CCSER1: variants seen among roughly 807,000 people sequenced by gnomAD.
CCSER1 encodes coiled-coil serine rich protein 1, also known as serine-rich coiled-coil domain-containing protein 1.
CCSER1 carries 41 observed loss-of-function variants against 82.0 expected under a neutral mutation model. The observed-to-expected ratio is 0.50, with a 90% CI of 0.39 to 0.65. The LOEUF is 0.65. CCSER1 is among the 30% of genes least tolerant of loss of function. CCSER1 has a pLI of 0.00. For missense variants in CCSER1, 1,119 were observed against 1,064.2 expected, an observed-to-expected ratio of 1.05 and a Z score of -0.72; for synonymous variants, 414 against 383.9, an observed-to-expected ratio of 1.08 and a Z score of -0.92.
chr4:91,428,115 T>TA (rs1359130117), intron 10 of CCSER1, among the ~76,000 whole-genome samples: 2 of 152,050 alleles, frequency 1.3e-5, no homozygotes, highest in Admixed American at 6.6e-5. Flanking sequence ...TATCTTGTTA[T>TA]AAAAAATAGA....
intron 3 of CCSER1, among the ~76,000 whole-genome samples, chr4:90,334,727 G>T (rs1293730796): frequency 5.3e-5 from 8 of 152,034 alleles, no homozygotes; most frequent in African/African-American, 1.9e-4. Context: ...TAGGGAGAAT[G>T]GCAATAATGA....
chr4:91,142,671 G>A (rs1375059286), intron 10 of CCSER1, among the ~76,000 whole-genome samples: 1 of 151,988 alleles, frequency 6.6e-6, no homozygotes, highest in African/African-American at 2.4e-5. Context: ...TTGAAAAGTA[G>A]GAGTTTAGTT....
intron 10 of CCSER1, among the ~76,000 whole-genome samples, chr4:91,435,440 C>A (rs1459333798): frequency 3.8e-4 from 55 of 144,966 alleles, no homozygotes; most frequent in East Asian, 8.1e-4. Flanking sequence ...GACCCTGTCT[C>A]AAAAAAAAAA....
chr4:91,506,090 C>T (rs1169627622), intron 10 of CCSER1, among the ~76,000 whole-genome samples: 1 of 152,086 alleles, frequency 6.6e-6, no homozygotes, highest in Non-Finnish European at 1.5e-5. Context: ...GTCTTTAATT[C>T]ATCTTGAGTT....
At chr4:90,871,005 T>C (rs1475760857) in intron 8 of CCSER1, among the ~76,000 whole-genome samples, 10 of 151,456 alleles carry the variant, frequency 6.6e-5, no homozygotes, top group South Asian at 2.1e-4. Context: ...ATCTTTTGAA[T>C]TTCTCCACTA....
chr4:90,286,439 A>G (rs187140093), intron 1 of CCSER1, among the ~76,000 whole-genome samples: 20 of 152,184 alleles, frequency 1.3e-4, no homozygotes, highest in Non-Finnish European at 2.4e-4. Context: ...GTTCATTAAA[A>G]ATTTTATAGA....
intron 9 of CCSER1, among the ~76,000 whole-genome samples, chr4:90,939,197 G>C (rs1237861661): frequency 6.6e-6 from 1 of 152,010 alleles, no homozygotes; most frequent in African/African-American, 2.4e-5. Context: ...ATTATCTACA[G>C]TCTTTTTTCC....
At chr4:90,692,969 T>C (rs1736291668) in intron 6 of CCSER1, among the ~76,000 whole-genome samples, 1 of 151,950 alleles carries the variant, frequency 6.6e-6, no homozygotes. Flanking sequence ...GTCTCTTTAT[T>C]TGTGGAAAGA....
intron 10 of CCSER1, among the ~76,000 whole-genome samples, chr4:91,134,866 C>T (rs932079194): frequency 2.0e-5 from 3 of 152,080 alleles, no homozygotes; most frequent in Non-Finnish European, 4.4e-5. Flanking sequence ...TTGAGACCAT[C>T]CTGGCCAACA....
intron 10 of CCSER1, among the ~76,000 whole-genome samples, chr4:91,289,645 G>C (rs913432426): frequency 4.0e-5 from 6 of 151,870 alleles, no homozygotes; most frequent in Admixed American, 3.3e-4. Context: ...GAGGTCAATA[G>C]AAATTGCCCA....
intron 9 of CCSER1, among the ~76,000 whole-genome samples, chr4:91,011,626 GAACAGGGC>G (rs1239994599): frequency 2.2e-5 from 3 of 134,686 alleles, no homozygotes; most frequent in Non-Finnish European, 3.5e-5. Context: ...GAACCCTGAG[GAACAGGGC>G]AACAACTTTG....
At chr4:91,021,983 C>T (rs560535054) in intron 9 of CCSER1, among the ~76,000 whole-genome samples, 1 of 152,060 alleles carries the variant, frequency 6.6e-6, no homozygotes, top group Non-Finnish European at 1.5e-5. Flanking sequence ...TGAATATTCT[C>T]AAAATCAGTT....
chr4:90,198,544 C>T (rs772350780), intron 1 of CCSER1, among the ~76,000 whole-genome samples: 27 of 152,030 alleles, frequency 1.8e-4, no homozygotes, highest in Non-Finnish European at 3.4e-4. Flanking sequence ...CTTGATGTTG[C>T]AAATCAAGAC....
chr4:90,132,386 C>T (rs1680360299), intron 1 of CCSER1, among the ~76,000 whole-genome samples: 1 of 152,048 alleles, frequency 6.6e-6, no homozygotes, highest in Non-Finnish European at 1.5e-5. Context: ...TATTATCTTC[C>T]CTGTGCAAGA....
intron 9 of CCSER1, among the ~76,000 whole-genome samples, chr4:91,058,794 TA>T (rs1176498826): frequency 4.6e-5 from 7 of 152,112 alleles, no homozygotes; most frequent in African/African-American, 1.7e-4. Context: ...CTGAAATTTA[TA>T]AAGTTTAAGT....
intron 4 of CCSER1, 36 bp from the exon 5 acceptor site, chr4:90,468,198 T>C (rs1001295215): frequency 1.3e-6 from 2 of 1,563,340 alleles, no homozygotes; most frequent in South Asian, 2.5e-5. Context: ...TCATAAATAA[T>C]TTTGACATTT....
intron 10 of CCSER1, among the ~76,000 whole-genome samples, chr4:91,214,604 G>C (rs1397375508): frequency 6.6e-6 from 1 of 152,026 alleles, no homozygotes; most frequent in African/African-American, 2.4e-5. Flanking sequence ...TCTTGTTCAT[G>C]TTGAAACAAC....
intron 10 of CCSER1, among the ~76,000 whole-genome samples, chr4:91,167,642 A>C (rs1208924502): frequency 6.6e-6 from 1 of 152,198 alleles, no homozygotes; most frequent in Non-Finnish European, 1.5e-5. Flanking sequence ...TCAATTATGC[A>C]ACTGTTTGCT....
intron 3 of CCSER1, among the ~76,000 whole-genome samples, chr4:90,337,025 A>G (rs576266279): frequency 8.5e-5 from 13 of 152,308 alleles, no homozygotes; most frequent in African/African-American, 3.1e-4. Context: ...AATAAGGTGA[A>G]GTAGAAAAAA....
Sources: gnomAD v4.1 joint callset for allele counts (sites outside exome capture counted in the v4.1 genomes callset) on GRCh38, gnomAD v4.1.1 for gene constraint, MANE v1.5 for transcripts, NCBI Gene and HGNC (gene_info 2026-07-23, HGNC 2026-07-21) for gene names.